OGDH: variants seen among roughly 807,000 people sequenced by gnomAD.
The protein encoded by OGDH is oxoglutarate dehydrogenase, also known as 2-oxoglutarate dehydrogenase complex component E1.
OGDH carries 38 observed loss-of-function variants against 116.6 expected under a neutral mutation model. The ratio of observed to expected loss-of-function variants is 0.33; its 90% CI spans 0.25 to 0.43. The LOEUF (loss-of-function observed/expected upper bound fraction) is 0.43, where lower values mean the gene tolerates loss of function less well. OGDH is among the 20% of genes least tolerant of loss of function. The probability of loss-of-function intolerance (pLI) is 1.00; values close to 1 mark genes in which losing one functional copy is unlikely to be tolerated. For synonymous variants in OGDH, 488 were observed against 533.3 expected (o/e 0.92, Z 1.17); for missense variants, 825 against 1,357.2 (o/e 0.61, Z 6.16).
intron 5 of OGDH, 55 bp downstream of exon 5, chr7:44,666,906 G>T (rs1458933235): frequency 9.3e-6 from 10 of 1,080,326 alleles, no homozygotes; most frequent in South Asian, 7.2e-5. Flanking sequence ...TGTATTGGCA[G>T]GATGGCTTTG....
chr7:44,637,350 A>G (rs1407667916), intron 2 of OGDH, among the ~76,000 whole-genome samples: 1 of 152,086 alleles, frequency 6.6e-6, no homozygotes, highest in Non-Finnish European at 1.5e-5. Context: ...GTTTCTCAGC[A>G]CTTGGATCCA....
chr7:44,633,274 A>AC (rs1785525991), intron 2 of OGDH, among the ~76,000 whole-genome samples: 1 of 144,886 alleles, frequency 6.9e-6, no homozygotes, highest in East Asian at 2.2e-4. Flanking sequence ...AAAAAAAAAA[A>AC]CCCTCAATGG....
At chr7:44,607,454 G>C (rs1353035430) in intron 1 of OGDH, among the ~76,000 whole-genome samples, 1 of 152,190 alleles carries the variant, frequency 6.6e-6, no homozygotes, top group African/African-American at 2.4e-5. Flanking sequence ...CTTCGTGTTA[G>C]GGTTTCCTTG....
intron 20 of OGDH, 130 bp downstream of exon 20, chr7:44,701,745 A>G (rs997358713): frequency 3.4e-6 from 3 of 884,146 alleles, no homozygotes; most frequent in Non-Finnish European, 5.4e-6. Context: ...TTTGGTTGTA[A>G]AGACCCGTGA....
At position 44,674,534 on chromosome 7, in the gene OGDH, C is replaced by T. The variant is rs2116155281; in HGVS notation, c.912C>T (p.Tyr304=). 2.5e-6 allele frequency: 4 copies of T among 1,614,066 alleles called. No homozygotes were observed. Among genetic ancestry groups the T allele is most frequent in the South Asian group, 1.1e-5 (1 of 91,082 alleles). Residue 304 remains tyrosine, a synonymous_variant, in exon 7 of 23, where the codon TAC becomes TAT. Coordinates refer to ENST00000222673, the MANE Select transcript of OGDH (RefSeq NM_002541.4). ...IDKSSENGVD[Y]VIMGMPHRGR... Reference sequence around the variant, plus strand: ...AGTCTAGTGAGAATGGCGTGGACTACGTGATCATGGGCATGCCACACAGGT... The same window carrying T: ...AGTCTAGTGAGAATGGCGTGGACTATGTGATCATGGGCATGCCACACAGGT...
chr7:44,647,946 G>A (rs774411702), intron 4 of OGDH, among the ~76,000 whole-genome samples, 187 bp downstream of exon 4: 2 of 152,182 alleles, frequency 1.3e-5, no homozygotes, highest in African/African-American at 4.8e-5. Flanking sequence ...TACTTTTTCA[G>A]CCAGATTGTC....
intron 5 of OGDH, among the ~76,000 whole-genome samples, chr7:44,672,515 C>T (rs1787507015): frequency 6.6e-6 from 1 of 152,150 alleles, no homozygotes; most frequent in African/African-American, 2.4e-5. Flanking sequence ...CTTTTTATTC[C>T]ATGCTGACTT....
At chr7:44,689,674 C>A (rs1788290642) in intron 10 of OGDH, among the ~76,000 whole-genome samples, 1 of 152,006 alleles carries the variant, frequency 6.6e-6, no homozygotes, top group Non-Finnish European at 1.5e-5. Flanking sequence ...ATGTGTGTGT[C>A]TTTTCATTTG....
intron 1 of OGDH, among the ~76,000 whole-genome samples, chr7:44,615,109 G>C (rs188318664): frequency 5.5e-4 from 84 of 152,264 alleles, no homozygotes; most frequent in African/African-American, 1.8e-3. Flanking sequence ...GGGATTACAG[G>C]TATGAGCCAC....
intron 9 of OGDH, among the ~76,000 whole-genome samples, chr7:44,680,595 C>T (rs1333108869): frequency 6.6e-6 from 1 of 151,872 alleles, no homozygotes; most frequent in Admixed American, 6.6e-5. Flanking sequence ...TGTATATGTG[C>T]GCCTGCATAT....
intron 2 of OGDH, among the ~76,000 whole-genome samples, chr7:44,637,573 G>A (rs1391950527): frequency 1.3e-5 from 2 of 152,204 alleles, no homozygotes; most frequent in South Asian, 2.1e-4. Flanking sequence ...CCTTTTGGGA[G>A]GCTGAGGTGG....
chr7:44,624,070 G>C (rs1366363791), intron 1 of OGDH, among the ~76,000 whole-genome samples: 3 of 152,042 alleles, frequency 2.0e-5, no homozygotes, highest in Non-Finnish European at 4.4e-5. Context: ...TCACAGCTCT[G>C]TTGTGCTCTC....
chr7:44,638,515 T>C (rs2115685059), intron 2 of OGDH, among the ~76,000 whole-genome samples: 1 of 152,342 alleles, frequency 6.6e-6, no homozygotes, highest in East Asian at 1.9e-4. Flanking sequence ...CACTTCTGCT[T>C]TGTCACTTGG....
rs80089412 is a variant in OGDH, at chr7:44,631,222, C to T, written c.222+6657C>T. Among the ~76,000 whole-genome samples, 60 of 152,340 alleles carry T rather than the reference C, an allele frequency of 3.9e-4. No homozygotes were observed. The East Asian group carries it at 0.012, about 29-fold the overall frequency. ...AGAACCCACAGATACGGAGGGCTGA[C>T]TGTATACATAAACTGCATGGTCTAC... On this transcript the variant is annotated intron_variant, in intron 2 of 22. Transcript: ENST00000222673.
intron 5 of OGDH, among the ~76,000 whole-genome samples, chr7:44,667,294 T>G (rs1478849614): frequency 6.6e-6 from 1 of 152,128 alleles, no homozygotes; most frequent in Non-Finnish European, 1.5e-5. Flanking sequence ...ATTGTTGCCA[T>G]TTTATAGATA....
intron 10 of OGDH, among the ~76,000 whole-genome samples, chr7:44,691,230 T>C (rs1788350483): frequency 6.6e-6 from 1 of 152,104 alleles, no homozygotes; most frequent in Non-Finnish European, 1.5e-5. Context: ...TATTTTTTCA[T>C]AAGACTCTTT....
chr7:44,681,231 C>A (rs1787916913), intron 9 of OGDH, among the ~76,000 whole-genome samples: 1 of 152,198 alleles, frequency 6.6e-6, no homozygotes, highest in Non-Finnish European at 1.5e-5. Context: ...AGACAGCAGC[C>A]TCCCAGGTGA....
At chr7:44,634,369 C>A (rs1035153908) in intron 2 of OGDH, among the ~76,000 whole-genome samples, 1 of 152,210 alleles carries the variant, frequency 6.6e-6, no homozygotes, top group Non-Finnish European at 1.5e-5. Context: ...GGCATGGCCA[C>A]TGGACAGCCC....
chr7:44,706,952 G>A (rs1312729485), intron 20 of OGDH, among the ~76,000 whole-genome samples: 1 of 152,150 alleles, frequency 6.6e-6, no homozygotes, highest in African/African-American at 2.4e-5. Context: ...TCTTGTCCCC[G>A]AAGTCTGAGC....
Sources: gnomAD v4.1 joint callset for allele counts (sites outside exome capture counted in the v4.1 genomes callset) on GRCh38, gnomAD v4.1.1 for gene constraint, MANE v1.5 for transcripts, NCBI Gene and HGNC (gene_info 2026-07-23, HGNC 2026-07-21) for gene names.